The following DPF3 variants were observed in gnomAD, a reference collection of about 807,000 sequenced individuals.
DPF3 encodes zinc finger protein DPF3.
A neutral mutation model predicts 56.8 loss-of-function variants in DPF3; 18 were observed. The observed-to-expected ratio is 0.32, with a 90% CI of 0.22 to 0.47. The LOEUF (loss-of-function observed/expected upper bound fraction) is 0.47. Ranked by LOEUF, DPF3 falls within the 20% of genes least tolerant of loss-of-function variation. The pLI, the probability that DPF3 is intolerant of heterozygous loss-of-function variation, is 1.00. For missense variants in DPF3, 403 were observed against 488.8 expected (o/e 0.82, Z 1.65); for synonymous variants, 188 against 180.2 (o/e 1.04, Z -0.35).
intron 1 of DPF3, among the ~76,000 whole-genome samples, chr14:72,863,392 G>A (rs1277827567): frequency 1.3e-5 from 2 of 151,696 alleles, no homozygotes; most frequent in East Asian, 3.9e-4. Context: ...CAAGTTTCAG[G>A]GGAAGAGAAG....
Position 72,614,612 on chromosome 14 carries a change from G to A in DPF3, c.*4685C>T, listed in dbSNP as rs1883964925. Among the ~76,000 whole-genome samples, 1 of 151,920 alleles carries A rather than the reference G, an allele frequency of 6.6e-6. No homozygotes were observed. Among genetic ancestry groups the A allele is most frequent in the African/African-American group, 2.4e-5 (1 of 41,314 alleles). On this transcript the variant is annotated 3_prime_UTR_variant, in exon 11 of 11. Coordinates refer to ENST00000556509, the MANE Select transcript of DPF3 (RefSeq NM_001280542.3). ...CCTCACTGCCTTCTCTCCCCAGCTG[G>A]GTGAGGGGCTTACTTTGCCCTCAGA... is the stretch of plus-strand genomic sequence containing the variant.
chr14:72,659,837 T>C (rs1886154629), intron 8 of DPF3, among the ~76,000 whole-genome samples: 1 of 152,360 alleles, frequency 6.6e-6, no homozygotes, highest in South Asian at 2.1e-4. Flanking sequence ...ATAAGCTAAA[T>C]GCGGTTTACA....
intron 9 of DPF3, 129 bp from the exon 10 acceptor site, chr14:72,620,113 G>A (rs1322400763): frequency 2.2e-6 from 2 of 912,910 alleles, no homozygotes; most frequent in Non-Finnish European, 3.1e-6. Context: ...GGCCCCACTT[G>A]GAGTCCTCAC....
At chr14:72,736,911 C>G (rs1348814976) in intron 3 of DPF3, among the ~76,000 whole-genome samples, 1 of 151,958 alleles carries the variant, frequency 6.6e-6, no homozygotes, top group Non-Finnish European at 1.5e-5. Flanking sequence ...ATTTTATACA[C>G]ATGGATATAA....
chr14:72,810,392 G>T lies in DPF3; in HGVS notation c.33-38499C>A, dbSNP rs535743409. Among the ~76,000 whole-genome samples, 25 of 152,310 alleles carry T rather than the reference G, an allele frequency of 1.6e-4. No homozygotes were observed. The East Asian group carries it at 4.6e-3, about 28-fold the overall frequency. Reference sequence around the variant, plus strand: ...AGGAAGGAAGAGACGGGCGGAGAATGTGAATCACATTCATGCCAGGGTGTG... The same window carrying T: ...AGGAAGGAAGAGACGGGCGGAGAATTTGAATCACATTCATGCCAGGGTGTG... On this transcript the variant is annotated intron_variant, in intron 1 of 10. Transcript: ENST00000556509.
chr14:72,867,911 T>C (rs1005916892), intron 1 of DPF3, among the ~76,000 whole-genome samples: 3 of 152,044 alleles, frequency 2.0e-5, no homozygotes, highest in Admixed American at 6.6e-5. Context: ...GCTATTTTTT[T>C]GTATTTTTTT....
chr14:72,774,834 A>G (rs1046556661), intron 1 of DPF3, among the ~76,000 whole-genome samples: 1 of 152,260 alleles, frequency 6.6e-6, no homozygotes, highest in Non-Finnish European at 1.5e-5. Context: ...TGAATGGCAC[A>G]TAAGCTGATG....
At chr14:72,867,743 T>C (rs918608672) in intron 1 of DPF3, among the ~76,000 whole-genome samples, 1 of 152,198 alleles carries the variant, frequency 6.6e-6, no homozygotes, top group Non-Finnish European at 1.5e-5. Flanking sequence ...GTTTGTTTTT[T>C]GTTTTTTGTT....
At chr14:72,670,157 C>T (rs1395674288) in intron 8 of DPF3, 39 of 985,734 alleles carry the variant, frequency 4.0e-5, no homozygotes, top group East Asian at 1.1e-4. Flanking sequence ...GGTATTGATA[C>T]GTTTCTTAAC....
In DPF3 at chr14:72,753,384, A is replaced by G; in HGVS notation, c.194-13T>C. ...CCCGGGGCAAGGCCTGTGGACAGAG[A>G]CAATATAAAGATTAAAGGCTCCAGG... On this transcript the variant is annotated splice_polypyrimidine_tract_variant and intron_variant, in intron 2 of 10. Transcript: ENST00000556509. 3 of 1,601,460 alleles carry G rather than the reference A, an allele frequency of 1.9e-6. No individual in the cohort carries two copies. Among genetic ancestry groups the G allele is most frequent in the Non-Finnish European group, 2.6e-6 (3 of 1,175,860 alleles).
Position 72,661,063 on chromosome 14 carries a change from C to T in DPF3, c.871+13177G>A. 6.1e-6 allele frequency: 6 copies of T among 985,466 alleles called. No homozygotes were observed. The South Asian group carries it at 1.4e-4, about 23-fold the overall frequency. 61.0% of individuals were successfully genotyped at this position (985,466 alleles called of 1,614,324 possible). A position where few individuals can be genotyped will look rare whatever the true frequency, so the allele number is the denominator to read the frequency against. On this transcript the variant is annotated intron_variant, in intron 8 of 10. Coordinates refer to ENST00000556509, the MANE Select transcript of DPF3 (RefSeq NM_001280542.3). Reference sequence around the variant, plus strand: ...ATGCTATAGGAGCATTGGAAACAGACTTTTTATTTAACAGAAACTTACACA... The same window carrying T: ...ATGCTATAGGAGCATTGGAAACAGATTTTTTATTTAACAGAAACTTACACA...
chr14:72,670,297 A>T, intron 8 of DPF3: 1 of 986,008 alleles, frequency 1.0e-6, no homozygotes, highest in Non-Finnish European at 1.2e-6. Flanking sequence ...TGCATTTGGA[A>T]GTCGTTCTTT....
intron 1 of DPF3, among the ~76,000 whole-genome samples, chr14:72,821,174 C>T (rs552053729): frequency 6.6e-6 from 1 of 150,946 alleles, no homozygotes; most frequent in South Asian, 2.1e-4. Flanking sequence ...GTGGCATGCA[C>T]ACTACTTGGG....
At chr14:72,743,271 G>A (rs1233686645) in intron 3 of DPF3, among the ~76,000 whole-genome samples, 3 of 152,106 alleles carry the variant, frequency 2.0e-5, no homozygotes, top group Non-Finnish European at 4.4e-5. Flanking sequence ...AGGTACAGGA[G>A]GAGCGTCAAC....
At chr14:72,662,364 T>C in intron 8 of DPF3, 1 of 985,190 alleles carries the variant, frequency 1.0e-6, no homozygotes, top group Non-Finnish European at 1.2e-6. Context: ...TTCACAAAAT[T>C]GCGCTTAACT....
intron 1 of DPF3, chr14:72,892,191 T>C: frequency 6.5e-7 from 1 of 1,535,416 alleles, no homozygotes; most frequent in Non-Finnish European, 8.7e-7. Flanking sequence ...GTTTACCAGG[T>C]GGCATCAGCC....
intron 1 of DPF3, among the ~76,000 whole-genome samples, chr14:72,789,908 C>T (rs1453248981): frequency 6.6e-6 from 1 of 152,236 alleles, no homozygotes; most frequent in Non-Finnish European, 1.5e-5. Flanking sequence ...CTCCTTAGCT[C>T]TGGCACTCAT....
At chr14:72,649,955 G>A (rs1365853271) in intron 8 of DPF3, among the ~76,000 whole-genome samples, 2 of 152,186 alleles carry the variant, frequency 1.3e-5, no homozygotes, top group African/African-American at 4.8e-5. Context: ...CACTGGGAAA[G>A]ACCCTTCCCC....
intron 7 of DPF3, among the ~76,000 whole-genome samples, chr14:72,679,803 G>C (rs1411849928): frequency 6.6e-6 from 1 of 152,266 alleles, no homozygotes; most frequent in Non-Finnish European, 1.5e-5. Context: ...GGAAGGAAAG[G>C]GGAGAGGAAA....
Sources: gnomAD v4.1 joint callset for allele counts (sites outside exome capture counted in the v4.1 genomes callset) on GRCh38, gnomAD v4.1.1 for gene constraint, MANE v1.5 for transcripts, NCBI Gene and HGNC (gene_info 2026-07-23, HGNC 2026-07-21) for gene names.